Variants in ADCY9 observed in about 807,000 individuals in gnomAD.
ADCY9 encodes adenylate cyclase 9, also known as adenylate cyclase type 9.
ADCY9 carries 50 observed loss-of-function variants against 101.5 expected under a neutral mutation model. The ratio of observed to expected loss-of-function variants is 0.49; its 90% CI spans 0.39 to 0.62. The LOEUF is 0.62. Among genes scored for constraint, ADCY9 ranks in the 20% least tolerant of loss-of-function variants. The probability of loss-of-function intolerance (pLI) is 0.00; values close to 1 mark genes in which losing one functional copy is unlikely to be tolerated. For synonymous variants in ADCY9, 905 were observed against 769.3 expected, an observed-to-expected ratio of 1.18 and a Z score of -2.92; for missense variants, 1,662 against 1,800.4, an observed-to-expected ratio of 0.92 and a Z score of 1.39.
intron 2 of ADCY9, among the ~76,000 whole-genome samples, chr16:4,016,891 G>T (rs950968676): frequency 6.6e-6 from 1 of 152,168 alleles, no homozygotes; most frequent in South Asian, 2.1e-4. Context: ...GTAAAATTAG[G>T]TTGTGGTGAT....
At chr16:4,063,606 G>T (rs555539074) in intron 2 of ADCY9, among the ~76,000 whole-genome samples, 6 of 151,952 alleles carry the variant, frequency 3.9e-5, no homozygotes, top group African/African-American at 1.4e-4. Flanking sequence ...CAGCTCCTTG[G>T]GGGGCTGAGG....
chr16:4,039,828 C>T (rs999490948), intron 2 of ADCY9, among the ~76,000 whole-genome samples: 8 of 152,054 alleles, frequency 5.3e-5, no homozygotes, highest in African/African-American at 1.9e-4. Context: ...CGTTTGAGCT[C>T]GGGTGTTCAA....
Position 3,965,494 on chromosome 16 carries a change from G to T in ADCY9, c.*281C>A, listed in dbSNP as rs543516254. On this transcript the variant is annotated 3_prime_UTR_variant, in exon 11 of 11. Coordinates refer to ENST00000294016, the MANE Select transcript of ADCY9 (RefSeq NM_001116.4). ...GATCTCCACTGGCGGCCTCTGTCCC[G>T]AGACTCGAGGCCGAGGCCAGCCCTG... is the stretch of plus-strand genomic sequence containing the variant. 4.2e-6 allele frequency: 2 copies of T among 473,592 alleles called. No homozygotes were observed. Among genetic ancestry groups the T allele is most frequent in the South Asian group, 7.4e-5 (2 of 26,982 alleles). The allele number at this position is 473,592 out of a possible 1,614,324, so 29.3% of individuals were successfully genotyped here. A position where few individuals can be genotyped will look rare whatever the true frequency, so the allele number is the denominator to read the frequency against.
intron 2 of ADCY9, among the ~76,000 whole-genome samples, chr16:4,012,729 A>C (rs1207406863): frequency 6.6e-6 from 1 of 152,224 alleles, no homozygotes; most frequent in Non-Finnish European, 1.5e-5. Context: ...AGTATTCTTA[A>C]GTATAGTGTC....
intron 2 of ADCY9, among the ~76,000 whole-genome samples, chr16:4,095,643 C>G (rs2526655): frequency 0.12 from 17,793 of 151,998 alleles, 1,544 homozygotes; most frequent in East Asian, 0.43. Flanking sequence ...ACATTTTCTC[C>G]AAGCCATTTC....
chr16:4,108,706 C>CTTTT (rs112428707), intron 2 of ADCY9, among the ~76,000 whole-genome samples: 2 of 124,522 alleles, frequency 1.6e-5, no homozygotes, highest in East Asian at 2.4e-4. Flanking sequence ...GTCCCTCACA[C>CTTTT]TTTTTTTTTT....
intron 2 of ADCY9, 22 bp downstream of exon 2, chr16:4,113,728 C>A: frequency 1.3e-6 from 2 of 1,591,874 alleles, no homozygotes; most frequent in African/African-American, 1.3e-5. Context: ...GGGGGGATGC[C>A]GAGGTAAAGC....
At position 3,965,803 on chromosome 16, in the gene ADCY9, G is replaced by A. The variant is rs752822315; in HGVS notation, c.4034C>T (p.Thr1345Ile). ...ETGIEEANEL[T>I]KLNVSKSV ...CACACTCTTTGAAACGTTGAGCTTG[G>A]TGAGTTCGTTGGCTTCTTCTATTCC... Residue 1345 changes from threonine (T) to isoleucine (I), a missense_variant, in exon 11 of 11, where the codon ACC becomes ATC. Physicochemically the swap from Thr to Ile is moderately conservative, Grantham distance 89 (BLOSUM62 -1). Coordinates refer to ENST00000294016, the MANE Select transcript of ADCY9 (RefSeq NM_001116.4). The A allele has an allele frequency of 4.3e-6, 7 of 1,613,660 alleles. No individual in the cohort carries two copies. In the African/African-American group the frequency reaches 8.0e-5, roughly 18 times the overall value.
intron 9 of ADCY9, 96 bp from the exon 10 acceptor site, chr16:3,974,806 T>C: frequency 6.0e-6 from 6 of 1,001,732 alleles, no homozygotes; most frequent in Non-Finnish European, 9.4e-6. Flanking sequence ...TGTTCCTTTT[T>C]TAGACGTGGT....
chr16:4,045,858 T>A (rs1205038973), intron 2 of ADCY9, among the ~76,000 whole-genome samples: 1 of 125,194 alleles, frequency 8.0e-6, no homozygotes, highest in East Asian at 2.4e-4. Flanking sequence ...ACCACCATGC[T>A]TTTTTTCTTT....
In ADCY9 at chr16:3,965,810, C is replaced by T. The variant is rs1368722853; in HGVS notation, c.4027G>A (p.Glu1343Lys). 12 of 1,613,758 alleles carry T rather than the reference C, an allele frequency of 7.4e-6. No individual in the cohort carries two copies. The Admixed American group carries it at 1.0e-4, about 13-fold the overall frequency. Residue 1343 changes from glutamate to lysine, a missense_variant, in exon 11 of 11, where the codon GAA (glutamate) becomes AAA (lysine). Physicochemically the swap from Glu to Lys is moderately conservative, Grantham distance 56. Around this residue, in one of 5 missense-constraint regions of ADCY9, gnomAD observed 168 missense variants for 155.3 expected, o/e 1.08. Transcript: ENST00000294016. The part of the protein sequence containing the change: ...CDETGIEEAN[E>K]LTKLNVSKSV Reference sequence around the variant, plus strand: ...TTTGAAACGTTGAGCTTGGTGAGTTCGTTGGCTTCTTCTATTCCTGTTTCG... The same window carrying T: ...TTTGAAACGTTGAGCTTGGTGAGTTTGTTGGCTTCTTCTATTCCTGTTTCG...
At chr16:4,055,964 C>T (rs372673939) in intron 2 of ADCY9, among the ~76,000 whole-genome samples, 38 of 152,308 alleles carry the variant, frequency 2.5e-4, no homozygotes, top group African/African-American at 8.2e-4. Flanking sequence ...AGCGCTGCAA[C>T]GACTGGGTGA....
intron 2 of ADCY9, among the ~76,000 whole-genome samples, chr16:4,100,758 AG>A (rs2057037858): frequency 6.7e-6 from 1 of 148,476 alleles, no homozygotes; most frequent in African/African-American, 2.4e-5. Flanking sequence ...AAAAAAAAAA[AG>A]AAAAGAAAAA....
intron 2 of ADCY9, among the ~76,000 whole-genome samples, chr16:4,060,119 C>A (rs2056765444): frequency 6.6e-6 from 1 of 152,146 alleles, no homozygotes; most frequent in Non-Finnish European, 1.5e-5. Context: ...CTGACATAAA[C>A]CACGGTGATT....
At chr16:4,001,583 C>T (rs966929446) in intron 3 of ADCY9, among the ~76,000 whole-genome samples, 1 of 152,100 alleles carries the variant, frequency 6.6e-6, no homozygotes, top group African/African-American at 2.4e-5. Flanking sequence ...GGGTCTCATT[C>T]TAGTGCCCAG....
intron 2 of ADCY9, among the ~76,000 whole-genome samples, chr16:4,095,934 G>A (rs546818777): frequency 2.2e-5 from 3 of 135,030 alleles, no homozygotes; most frequent in Admixed American, 8.6e-5. Flanking sequence ...CTGAGATCAC[G>A]CCACTGCACT....
At chr16:3,955,356 C>T (rs1383219036) in intron 5 of ADCY9, among the ~76,000 whole-genome samples, 3 of 152,140 alleles carry the variant, frequency 2.0e-5, no homozygotes, top group Non-Finnish European at 4.4e-5. Context: ...GAGACCTCAT[C>T]TCTATAAAAT....
intron 6 of ADCY9, among the ~76,000 whole-genome samples, chr16:3,987,431 G>A (rs946892748): frequency 6.6e-6 from 1 of 152,220 alleles, no homozygotes; most frequent in Non-Finnish European, 1.5e-5. Context: ...CAGACCACTC[G>A]TGTCCGACCC....
chr16:4,113,885 T>C lies in ADCY9; in HGVS notation c.1558A>G (p.Met520Val), dbSNP rs780468630. Residue 520 changes from methionine to valine, a missense_variant, in exon 2 of 11, where the codon ATG becomes GTG. Around this residue, in one of 5 missense-constraint regions of ADCY9, gnomAD observed 228 missense variants for 301.1 expected, o/e 0.76. Coordinates refer to ENST00000294016, the MANE Select transcript of ADCY9 (RefSeq NM_001116.4). ...WSNDVNLANL[M>V]EQLGVAGKVH... ...TTGCCGGCCACTCCCAGCTGCTCCA[T>C]GAGATTGGCCAGGTTCACATCGTTG... The C allele has an allele frequency of 3.7e-6, 6 of 1,608,746 alleles. No homozygotes were observed. Among genetic ancestry groups the C allele is most frequent in the Non-Finnish European group, 5.1e-6 (6 of 1,175,080 alleles).
Sources: gnomAD v4.1 joint callset for allele counts (sites outside exome capture counted in the v4.1 genomes callset) on GRCh38, gnomAD v4.1.1 for gene constraint, gnomAD v4.1.1 regional missense constraint, MANE v1.5 for transcripts, NCBI Gene and HGNC (gene_info 2026-07-23, HGNC 2026-07-21) for gene names.